The following FBN3 variants were observed in gnomAD, a reference collection of about 807,000 sequenced individuals.
FBN3 encodes fibrillin-3.
In FBN3, 234 loss-of-function variants were observed where a neutral mutation model predicts 330.1. That is an observed-to-expected ratio of 0.71 (90% confidence interval 0.64 to 0.79). FBN3 has a LOEUF of 0.79. Among genes scored for constraint, FBN3 ranks in the 30% least tolerant of loss-of-function variants. The pLI is 0.00. For synonymous variants in FBN3, 1,458 were observed against 1,517.3 expected (o/e 0.96, Z 0.91); for missense variants, 3,606 against 3,886.9 (o/e 0.93, Z 1.92).
At chr19:8,112,459 A>C (rs2082611150) in intron 30 of FBN3, among the ~76,000 whole-genome samples, 1 of 149,222 alleles carries the variant, frequency 6.7e-6, no homozygotes, top group South Asian at 2.2e-4. Context: ...ATCCTGGCTA[A>C]TGCGGTGAAA....
intron 61 of FBN3, among the ~76,000 whole-genome samples, chr19:8,073,972 T>C (rs1242576942): frequency 6.6e-6 from 1 of 152,154 alleles, no homozygotes; most frequent in East Asian, 1.9e-4. Flanking sequence ...CGGATCCCAA[T>C]TGTGATGATC....
chr19:8,136,401 G>A lies in FBN3; in HGVS notation c.1332C>T (p.Arg444=), dbSNP rs146336790. The change falls in exon 11 of 64, where the codon CGC becomes CGT. Residue 444 remains arginine, a synonymous_variant. Coordinates refer to ENST00000600128, the MANE Select transcript of FBN3 (RefSeq NM_032447.5). ...ECNVGYTQDV[R]GECIDVDECT... ...GCCGCGGCTCACCAATGCACTCGCCGCGCACGTCCTGGGTGTAGCCCACGT... is the reference window on the plus strand; with the variant it reads ...GCCGCGGCTCACCAATGCACTCGCCACGCACGTCCTGGGTGTAGCCCACGT... 470 of 1,613,970 alleles carry A rather than the reference G, an allele frequency of 2.9e-4. 1 individual carries two copies. The highest frequency in any genetic ancestry group is 3.4e-4 in the Non-Finnish European group (399 of 1,179,908).
intron 63 of FBN3, 125 bp downstream of exon 63, chr19:8,071,923 C>T: frequency 1.1e-6 from 1 of 951,218 alleles, no homozygotes; most frequent in Non-Finnish European, 1.5e-6. Context: ...CATGGGGAAC[C>T]TGTTGGGATC....
In FBN3 at chr19:8,109,790, C is replaced by T. The variant is rs1204568407; in HGVS notation, c.4334-37G>A. 4.8e-6 allele frequency: 7 copies of T among 1,443,924 alleles called. No individual in the cohort carries two copies. The highest frequency in any genetic ancestry group is 2.6e-5 in the East Asian group (1 of 39,036). 89.4% of individuals were successfully genotyped at this position (1,443,924 alleles called of 1,614,324 possible). A position where few individuals can be genotyped will look rare whatever the true frequency, so the allele number is the denominator to read the frequency against. On this transcript the variant is annotated intron_variant, in intron 34 of 63. Transcript: ENST00000600128. The surrounding 1 kb of genome is among the most constrained non-coding windows in gnomAD (Gnocchi z 5.2). Reference sequence around the variant, plus strand: ...AAGCGCGGTCCTCAGCAGGGAGCCCCTTCCTCGGCCCCCCTCCCTCCTAGC... The same window carrying T: ...AAGCGCGGTCCTCAGCAGGGAGCCCTTTCCTCGGCCCCCCTCCCTCCTAGC...
intron 10 of FBN3, among the ~76,000 whole-genome samples, chr19:8,137,248 A>T (rs2145011305): frequency 6.7e-6 from 1 of 149,526 alleles, no homozygotes; most frequent in African/African-American, 2.5e-5. Context: ...GATCCCACCA[A>T]CCTGAAGCCT....
At chr19:8,094,299 G>T in intron 47 of FBN3, 147 bp downstream of exon 47, 1 of 820,356 alleles carries the variant, frequency 1.2e-6, no homozygotes, top group Non-Finnish European at 1.8e-6. Context: ...CAATCAGAAT[G>T]ACAATAATAG....
chr19:8,144,848 T>C (rs1031960370), intron 6 of FBN3, 29 bp downstream of exon 6: 8 of 1,553,228 alleles, frequency 5.2e-6, no homozygotes, highest in African/African-American at 1.4e-5. Flanking sequence ...GAGTCCCCTG[T>C]CTACCTCCCA....
intron 63 of FBN3, among the ~76,000 whole-genome samples, chr19:8,071,493 A>G (rs965780547): frequency 6.6e-6 from 1 of 152,172 alleles, no homozygotes; most frequent in African/African-American, 2.4e-5. Flanking sequence ...CACCTCCCCA[A>G]GGCTCAGACA....
chr19:8,100,507 T>C (rs1368545170), intron 41 of FBN3, among the ~76,000 whole-genome samples: 1 of 152,018 alleles, frequency 6.6e-6, no homozygotes, highest in African/African-American at 2.4e-5. Context: ...CCAGCTAATT[T>C]TTGTATTTTT....
chr19:8,112,056 G>GATGT lies in FBN3; in HGVS notation c.3881_3882insACAT (p.His1294GlnfsTer15), dbSNP rs2082601011. 1.2e-6 allele frequency: 2 copies of GATGT among 1,613,152 alleles called. No individual in the cohort carries two copies. The highest frequency in any genetic ancestry group is 3.3e-5 in the Admixed American group (2 of 59,906). On this transcript the variant is annotated frameshift_variant, in exon 31 of 64. Transcript: ENST00000600128. LOFTEE classifies it high-confidence loss of function. ...TCCCCGGGATGTTGAGACAGGAGGC[G>GATGT]TGACTGTCACAGTTGTGTCCTCCAA...
intron 51 of FBN3, among the ~76,000 whole-genome samples, chr19:8,089,010 G>T (rs911587969): frequency 6.6e-6 from 1 of 152,160 alleles, no homozygotes; most frequent in Non-Finnish European, 1.5e-5. Context: ...GAGAGAATTA[G>T]CAAGTGAATG....
chr19:8,143,497 C>CT (rs557671451), intron 6 of FBN3, among the ~76,000 whole-genome samples: 11,051 of 125,964 alleles, frequency 0.088, 674 homozygotes, highest in Admixed American at 0.12. Context: ...CTTTTCTTTT[C>CT]TTTTTTTTTT....
At chr19:8,143,822 T>TC (rs1341891292) in intron 6 of FBN3, among the ~76,000 whole-genome samples, 2 of 149,684 alleles carry the variant, frequency 1.3e-5, no homozygotes, top group Non-Finnish European at 3.0e-5. Flanking sequence ...TTTCTTTCTT[T>TC]TTTTTTTTTA....
chr19:8,131,531 G>A lies in FBN3; in HGVS notation c.1990+23C>T. 1 of 1,587,218 alleles carries A rather than the reference G, an allele frequency of 6.3e-7. No individual in the cohort carries two copies. The highest frequency in any genetic ancestry group is 8.6e-7 in the Non-Finnish European group (1 of 1,164,042). ...GGCATTCAGACCAAGGAGGCGATGGGGACCGGGCAGCCGGATGCTCACCGG... is the reference window on the plus strand; with the variant it reads ...GGCATTCAGACCAAGGAGGCGATGGAGACCGGGCAGCCGGATGCTCACCGG... On this transcript the variant is annotated intron_variant, in intron 15 of 63. Transcript: ENST00000600128. The surrounding 1 kb of genome is among the most constrained non-coding windows in gnomAD (Gnocchi z 4.5).
intron 26 of FBN3, among the ~76,000 whole-genome samples, chr19:8,117,999 C>G: frequency 6.6e-6 from 1 of 151,992 alleles, no homozygotes; most frequent in East Asian, 1.9e-4. Flanking sequence ...CCCAGGGGCA[C>G]ACTCACACCC....
chr19:8,138,304 G>T lies in FBN3; in HGVS notation c.1038C>A (p.Cys346Ter). 1 of 1,612,988 alleles carries T rather than the reference G, an allele frequency of 6.2e-7. No individual in the cohort carries two copies. The highest frequency in any genetic ancestry group is 8.5e-7 in the Non-Finnish European group (1 of 1,179,666). The part of the protein sequence containing the change: ...PRGSNEFQQL[C>*]AQRLPLLPGH... ...CGGGTAGCAGCGGCAGCCGCTGGGC[G>T]CACAGTTGCTGGAATTCATCTGCAA... The change falls in exon 10 of 64, where the codon TGC becomes TGA. Residue 346 changes from cysteine to a stop codon, truncating the protein, a stop_gained. Coordinates refer to ENST00000600128, the MANE Select transcript of FBN3 (RefSeq NM_032447.5). LOFTEE classifies it high-confidence loss of function.
chr19:8,066,188 C>G lies in FBN3; in HGVS notation c.8161G>C (p.Glu2721Gln), dbSNP rs558440722. 1.5e-4 allele frequency: 241 copies of G among 1,611,032 alleles called. No individual in the cohort carries two copies. Among genetic ancestry groups the G allele is most frequent in the Non-Finnish European group, 2.0e-4 (232 of 1,178,594 alleles). Reference protein sequence around the residue: ...GLNLSHLGRAERILELRPALE... With the variant: ...GLNLSHLGRAQRILELRPALE... ...GCCGGCCGGAGCTCCAGGATGCGCT[C>G]GGCCCGGCCCAGGTGTGAGAGGTTC... is the stretch of plus-strand genomic sequence containing the variant. Residue 2721 changes from glutamate (E) to glutamine (Q), a missense_variant, in exon 64 of 64, where the codon GAG becomes CAG. Coordinates refer to ENST00000600128, the MANE Select transcript of FBN3 (RefSeq NM_032447.5).
At chr19:8,143,819 C>CTTTCTTTTT (rs1555757013) in intron 6 of FBN3, among the ~76,000 whole-genome samples, 84 of 117,656 alleles carry the variant, frequency 7.1e-4, no homozygotes, top group African/African-American at 2.3e-3. Context: ...TTCTTTCTTT[C>CTTTCTTTTT]TTTTTTTTTT....
Position 8,066,235 on chromosome 19 carries a change from T to A in FBN3, c.8114A>T (p.Glu2705Val), listed in dbSNP as rs2081388475. 6.3e-7 allele frequency: 1 copy of A among 1,581,786 alleles called. No individual in the cohort carries two copies. The highest frequency in any genetic ancestry group is 1.4e-5 in the African/African-American group (1 of 73,784). Residue 2705 changes from glutamate (E) to valine (V), a missense_variant, in exon 64 of 64, where the codon GAG becomes GTG. By Grantham distance (121) the Glu-to-Val change is moderately radical. Coordinates refer to ENST00000600128, the MANE Select transcript of FBN3 (RefSeq NM_032447.5). Reference protein sequence around the residue: ...HQVNLATLDSEALLTLGLNLS... With the variant: ...HQVNLATLDSVALLTLGLNLS... ...GTTCAGGCCCAAGGTCAGCAGGGCCTCGGAGTCAAGGGTGGCCAGGTTCAC... is the reference window on the plus strand; with the variant it reads ...GTTCAGGCCCAAGGTCAGCAGGGCCACGGAGTCAAGGGTGGCCAGGTTCAC...
Sources: allele counts gnomAD v4.1 joint callset (sites outside exome capture counted in the v4.1 genomes callset), GRCh38; gene constraint gnomAD v4.1.1; non-coding constraint Gnocchi (gnomAD v3.1); transcripts MANE v1.5; gene names NCBI Gene and HGNC (gene_info 2026-07-23, HGNC 2026-07-21).